SUPT7L: variants seen among roughly 807,000 people sequenced by gnomAD.
SUPT7L encodes SPT7 like, STAGA complex subunit gamma, also known as STAGA complex 65 subunit gamma.
Under a neutral mutation model 35.7 loss-of-function variants are expected in SUPT7L, and 15 were observed. That is an observed-to-expected ratio of 0.42 (90% CI 0.28 to 0.65). The LOEUF is 0.65. Ranked by LOEUF, SUPT7L falls within the 30% of genes least tolerant of loss-of-function variation. The pLI is 0.23. For missense variants in SUPT7L, 434 were observed against 522.2 expected, an observed-to-expected ratio of 0.83 and a Z score of 1.65; for synonymous variants, 168 against 186.2, an observed-to-expected ratio of 0.90 and a Z score of 0.79.
At chr2:27,655,116 T>C (rs1674733312) in intron 5 of SUPT7L, among the ~76,000 whole-genome samples, 1 of 152,226 alleles carries the variant, frequency 6.6e-6, no homozygotes, top group Admixed American at 6.5e-5. Flanking sequence ...GACAACACAT[T>C]GCATCTACAT....
In SUPT7L at chr2:27,653,254, C is replaced by T. The variant is rs1227227448; in HGVS notation, c.*231G>A. ...CAGTGCTTTGGTCTGATTGCCATGCCAGCATCATATTTTATCTGTGAAGGG... is the reference window on the plus strand; with the variant it reads ...CAGTGCTTTGGTCTGATTGCCATGCTAGCATCATATTTTATCTGTGAAGGG... On this transcript the variant is annotated 3_prime_UTR_variant, in exon 6 of 6. Coordinates refer to ENST00000337768, the MANE Select transcript of SUPT7L (RefSeq NM_014860.3). The T allele has an allele frequency of 1.6e-5, 9 of 554,558 alleles. No homozygotes were observed. Among genetic ancestry groups the T allele is most frequent in the African/African-American group, 3.8e-5 (2 of 52,936 alleles). 34.4% of individuals were successfully genotyped at this position (554,558 alleles called of 1,614,324 possible).
downstream of SUPT7L, chr2:27,650,047 G>T: frequency 1.2e-6 from 1 of 850,152 alleles, no homozygotes; most frequent in South Asian, 1.3e-5. Context: ...TCTGATGGAT[G>T]GGTGACGGGC....
chr2:27,645,323 T>C, the SUPT7L span, among the ~76,000 whole-genome samples: 1 of 152,196 alleles, frequency 6.6e-6, no homozygotes, highest in African/African-American at 2.4e-5. Flanking sequence ...CTTACTTTTA[T>C]GCCTGTACCA....
At position 27,657,546 on chromosome 2, in the gene SUPT7L, G is replaced by C. The variant is rs1674861485; in HGVS notation, c.543C>G (p.Thr181=). 3 of 1,614,110 alleles carry C rather than the reference G, an allele frequency of 1.9e-6. No homozygotes were observed. The African/African-American group carries it at 4.0e-5, about 22-fold the overall frequency. ...FDCANESVLE[T]LTDVAHEYCL... ...AATACTCATGTGCCACATCAGTTAG[G>C]GTCTCCAGGACACTCTCATTAGCAC... is the stretch of plus-strand genomic sequence containing the variant. Residue 181 remains threonine, a synonymous_variant, in exon 4 of 6, where the codon ACC becomes ACG. Coordinates refer to ENST00000337768, the MANE Select transcript of SUPT7L (RefSeq NM_014860.3). The surrounding 1 kb of genome is among the most constrained non-coding windows in gnomAD (Gnocchi z 5.2).
chr2:27,643,727 C>T, the SUPT7L span, among the ~76,000 whole-genome samples: 1 of 152,150 alleles, frequency 6.6e-6, no homozygotes, highest in African/African-American at 2.4e-5. This position sits in a 1 kb window ranked among gnomAD's most constrained non-coding sequence, Gnocchi z 4.0. Context: ...AGGTTTGTCT[C>T]ATGTTTCCTC....
chr2:27,659,014 A>T (rs560219969), intron 3 of SUPT7L, among the ~76,000 whole-genome samples: 13 of 152,372 alleles, frequency 8.5e-5, no homozygotes, highest in Non-Finnish European at 1.3e-4. Flanking sequence ...TTTGATACAA[A>T]ACTAAAAATG....
chr2:27,657,566 T>G lies in SUPT7L; in HGVS notation c.523A>C (p.Asn175His). 1 of 1,614,228 alleles carries G rather than the reference T, an allele frequency of 6.2e-7. No homozygotes were observed. Among genetic ancestry groups the G allele is most frequent in the Non-Finnish European group, 8.5e-7 (1 of 1,180,028 alleles). ...ILAHAGFDCANESVLETLTDV... is the reference protein window; with the variant it reads ...ILAHAGFDCAHESVLETLTDV... ...GTTAGGGTCTCCAGGACACTCTCAT[T>G]AGCACAGTCAAAGCCCGCGTGGGCC... is the stretch of plus-strand genomic sequence containing the variant. Residue 175 changes from asparagine to histidine, a missense_variant, in exon 4 of 6, where the codon AAT (asparagine) becomes CAT (histidine). Coordinates refer to ENST00000337768, the MANE Select transcript of SUPT7L (RefSeq NM_014860.3). The surrounding 1 kb of genome is among the most constrained non-coding windows in gnomAD (Gnocchi z 5.2).
chr2:27,657,247 T>G lies in SUPT7L; in HGVS notation c.744+98A>C. Reference sequence around the variant, plus strand: ...TGTTAAGTTCACTCTGTTCCAAGACTCTGTGCTCTGCACTCTAGACCAAGT... The same window carrying G: ...TGTTAAGTTCACTCTGTTCCAAGACGCTGTGCTCTGCACTCTAGACCAAGT... On this transcript the variant is annotated intron_variant, in intron 4 of 5. Coordinates refer to ENST00000337768, the MANE Select transcript of SUPT7L (RefSeq NM_014860.3). This position sits in a 1 kb window ranked among gnomAD's most constrained non-coding sequence, Gnocchi z 5.2. 1.5e-6 allele frequency: 2 copies of G among 1,321,366 alleles called. No individual in the cohort carries two copies. Among genetic ancestry groups the G allele is most frequent in the Non-Finnish European group, 2.1e-6 (2 of 959,616 alleles). The allele number at this position is 1,321,366 out of a possible 1,614,324, so 81.9% of individuals were successfully genotyped here.
In SUPT7L at chr2:27,661,109, C is replaced by G. The variant is rs201942828; in HGVS notation, c.294G>C (p.Glu98Asp). 1.2e-6 allele frequency: 2 copies of G among 1,614,162 alleles called. No individual in the cohort carries two copies. The highest frequency in any genetic ancestry group is 1.6e-4 in the Middle Eastern group (1 of 6,062). Residue 98 changes from glutamate (E) to aspartate (D), a missense_variant, in exon 3 of 6, where the codon GAG becomes GAC. Coordinates refer to ENST00000337768, the MANE Select transcript of SUPT7L (RefSeq NM_014860.3). Reference sequence around the variant, plus strand: ...CAGGGCACGAGGGAAGAGGTTCACTCTCTTCAGTTTTTACACCTTCTGTCT... The same window carrying G: ...CAGGGCACGAGGGAAGAGGTTCACTGTCTTCAGTTTTTACACCTTCTGTCT... Reference protein sequence around the residue: ...QQQTEGVKTEESEPLPSCPGS... With the variant: ...QQQTEGVKTEDSEPLPSCPGS...
intron 5 of SUPT7L, among the ~76,000 whole-genome samples, chr2:27,654,335 T>C (rs139071822): frequency 2.0e-5 from 3 of 152,382 alleles, no homozygotes; most frequent in East Asian, 1.9e-4. Flanking sequence ...TATTCTTCCA[T>C]AGTGAAAGGC....
Position 27,652,159 on chromosome 2 carries a change from A to G in SUPT7L, c.*1326T>C, listed in dbSNP as rs1229449019. ...CAAGACTCCATCTCAAAAATAAATAAATAAATAAATAAATTAAAAAAAAGA... is the reference window on the plus strand; with the variant it reads ...CAAGACTCCATCTCAAAAATAAATAGATAAATAAATAAATTAAAAAAAAGA... On this transcript the variant is annotated 3_prime_UTR_variant, in exon 6 of 6. Transcript: ENST00000337768. 2 of 152,080 alleles carry G rather than the reference A, an allele frequency of 1.3e-5. No homozygotes were observed. Among genetic ancestry groups the G allele is most frequent in the African/African-American group, 4.8e-5 (2 of 41,396 alleles). The allele number at this position is 152,080 out of a possible 1,614,324, so 9.4% of individuals were successfully genotyped here. A position where few individuals can be genotyped will look rare whatever the true frequency, so the allele number is the denominator to read the frequency against.
At chr2:27,645,160 G>A in the SUPT7L span, among the ~76,000 whole-genome samples, 1 of 151,992 alleles carries the variant, frequency 6.6e-6, no homozygotes, top group Non-Finnish European at 1.5e-5. Context: ...TAATAGAGAC[G>A]AGGTCTCACC....
In SUPT7L at chr2:27,651,505, T is replaced by C. The variant is rs1674549359; in HGVS notation, c.*1980A>G. Reference sequence around the variant, plus strand: ...CTGCAGCAATAAAAGTGTTTTATTATAAAGTATTAATTTTAATGTTCTATA... The same window carrying C: ...CTGCAGCAATAAAAGTGTTTTATTACAAAGTATTAATTTTAATGTTCTATA... On this transcript the variant is annotated 3_prime_UTR_variant, in exon 6 of 6. Coordinates refer to ENST00000337768, the MANE Select transcript of SUPT7L (RefSeq NM_014860.3). 1 of 152,360 alleles carries C rather than the reference T, an allele frequency of 6.6e-6. No individual in the cohort carries two copies. The highest frequency in any genetic ancestry group is 2.1e-4 in the South Asian group (1 of 4,838). The allele number at this position is 152,360 out of a possible 1,614,324, so 9.4% of individuals were successfully genotyped here.
intron 4 of SUPT7L, among the ~76,000 whole-genome samples, chr2:27,656,335 A>G (rs935535273): frequency 6.6e-6 from 1 of 152,198 alleles, no homozygotes; most frequent in South Asian, 2.1e-4. Context: ...AAGAGATTAG[A>G]TATTTCTGGT....
rs1674565426 is a variant in SUPT7L at position 27,651,753 on chromosome 2, A to G, written c.*1732T>C. ...GGACCTAGCAAATAATTGGTACTCA[A>G]TGTTTGCTGGATGAATGAACTAAAT... On this transcript the variant is annotated 3_prime_UTR_variant, in exon 6 of 6. Coordinates refer to ENST00000337768, the MANE Select transcript of SUPT7L (RefSeq NM_014860.3). The G allele has an allele frequency of 1.3e-5, 2 of 152,236 alleles. No homozygotes were observed. The highest frequency in any genetic ancestry group is 4.8e-5 in the African/African-American group (2 of 41,468). The allele number at this position is 152,236 out of a possible 1,614,324, so 9.4% of individuals were successfully genotyped here.
In SUPT7L at chr2:27,652,596, T is replaced by G. The variant is rs1415647742; in HGVS notation, c.*889A>C. On this transcript the variant is annotated 3_prime_UTR_variant, in exon 6 of 6. Transcript: ENST00000337768. ...ACATGATGTAAAGTTGAAAGGTGCATATTGCTATGTTTTAAAGGCTGCCTT... is the reference window on the plus strand; with the variant it reads ...ACATGATGTAAAGTTGAAAGGTGCAGATTGCTATGTTTTAAAGGCTGCCTT... 6.5e-6 allele frequency: 1 copy of G among 152,752 alleles called. No individual in the cohort carries two copies. The highest frequency in any genetic ancestry group is 1.9e-4 in the East Asian group (1 of 5,346). 9.5% of individuals were successfully genotyped at this position (152,752 alleles called of 1,614,324 possible).
chr2:27,661,711 A>G, intron 2 of SUPT7L: 1 of 930,574 alleles, frequency 1.1e-6, no homozygotes, highest in Non-Finnish European at 1.4e-6. Flanking sequence ...GTGGACCAAT[A>G]GCTACAACAG....
chr2:27,655,532 G>GTAA lies in SUPT7L; in HGVS notation c.814_815insTTA (p.Pro272delinsLeuThr). 6.2e-7 allele frequency: 1 copy of GTAA among 1,614,026 alleles called. No homozygotes were observed. Among genetic ancestry groups the GTAA allele is most frequent in the Non-Finnish European group, 8.5e-7 (1 of 1,179,968 alleles). Reference sequence around the variant, plus strand: ...CACAGGTTCCTCCTTGATCTTCACAGGTTTAGCGTCCTCTGTGGCCTTCTC... The same window carrying GTAA: ...CACAGGTTCCTCCTTGATCTTCACAGTAAGTTTAGCGTCCTCTGTGGCCTTCTC... On this transcript the variant is annotated protein_altering_variant, in exon 5 of 6. Coordinates refer to ENST00000337768, the MANE Select transcript of SUPT7L (RefSeq NM_014860.3).
chr2:27,662,524 G>C (rs1675161306), intron 1 of SUPT7L, among the ~76,000 whole-genome samples: 1 of 152,130 alleles, frequency 6.6e-6, no homozygotes. Flanking sequence ...CACATCCCTG[G>C]CAGACTCATA....
Sources: allele counts gnomAD v4.1 joint callset (sites outside exome capture counted in the v4.1 genomes callset), GRCh38; gene constraint gnomAD v4.1.1; non-coding constraint Gnocchi (gnomAD v3.1); transcripts MANE v1.5; gene names NCBI Gene and HGNC (gene_info 2026-07-23, HGNC 2026-07-21).